The following AANAT variants were observed in gnomAD, a reference collection of about 807,000 sequenced individuals.
The protein encoded by AANAT is serotonin N-acetyltransferase.
A neutral mutation model predicts 15.6 loss-of-function variants in AANAT; 11 were observed. The observed-to-expected ratio is 0.71, with a 90% CI of 0.44 to 1.17. The LOEUF (loss-of-function observed/expected upper bound fraction) is 1.17. Ranked by LOEUF, AANAT falls within the 50% of genes most tolerant of loss-of-function variation. The pLI is 0.00. For synonymous variants in AANAT, 139 were observed against 131.5 expected (o/e 1.06, Z -0.39); for missense variants, 286 against 296.3 (o/e 0.97, Z 0.26).
intron 1 of AANAT, among the ~76,000 whole-genome samples, chr17:76,455,716 T>C (rs2073337276): frequency 6.6e-6 from 1 of 152,218 alleles, no homozygotes; most frequent in Admixed American, 6.5e-5. Context: ...TACAGAACTA[T>C]GTTCATAGAA....
chr17:76,468,933 G>C, intron 2 of AANAT, 24 bp downstream of exon 2: 2 of 1,603,854 alleles, frequency 1.2e-6, no homozygotes, highest in Non-Finnish European at 1.7e-6. Flanking sequence ...CACAGGGTCA[G>C]AGGGATGCTC....
intron 1 of AANAT, among the ~76,000 whole-genome samples, chr17:76,458,089 C>G (rs1178358088): frequency 6.6e-6 from 1 of 152,172 alleles, no homozygotes; most frequent in Non-Finnish European, 1.5e-5. Flanking sequence ...GCCTGAGAAC[C>G]TGTACCTCCA....
chr17:76,469,929 C>T lies in AANAT; in HGVS notation c.583C>T (p.Leu195=), dbSNP rs2073505821. Residue 195 remains leucine, a synonymous_variant, in exon 4 of 4, where the codon CTG becomes TTG. Coordinates refer to ENST00000392492, the MANE Select transcript of AANAT (RefSeq NM_001088.3). This position sits in a 1 kb window ranked among gnomAD's most constrained non-coding sequence, Gnocchi z 5.2. ...SLTFMELHCS[L]RGHPFLRRNS... ...CACCTTCATGGAGCTCCACTGCTCC[C>T]TGCGGGGCCACCCCTTCCTGCGCAG... 2 of 1,543,598 alleles carry T rather than the reference C, an allele frequency of 1.3e-6. No individual in the cohort carries two copies. Among genetic ancestry groups the T allele is most frequent in the African/African-American group, 1.4e-5 (1 of 73,114 alleles).
chr17:76,468,470 G>T, intron 1 of AANAT: 1 of 588,854 alleles, frequency 1.7e-6, no homozygotes, highest in Admixed American at 3.1e-5. Flanking sequence ...CCTTCTGGCT[G>T]AGAGGGAAAG....
chr17:76,467,797 C>A, intron 1 of AANAT, 70 bp downstream of exon 1: 1 of 913,980 alleles, frequency 1.1e-6, no homozygotes, highest in African/African-American at 1.8e-5. Flanking sequence ...AGCTTCTAGA[C>A]ATGGAGGGAA....
Position 76,470,110 on chromosome 17 carries a change from C to T in AANAT, c.*140C>T, listed in dbSNP as rs569712678. 3.4e-4 allele frequency: 317 copies of T among 940,872 alleles called. 3 individuals carry two copies. The African/African-American group carries it at 4.4e-3, about 13-fold the overall frequency. The allele number at this position is 940,872 out of a possible 1,614,324, so 58.3% of individuals were successfully genotyped here. A position where few individuals can be genotyped will look rare whatever the true frequency, so the allele number is the denominator to read the frequency against. On this transcript the variant is annotated 3_prime_UTR_variant, in exon 4 of 4. Coordinates refer to ENST00000392492, the MANE Select transcript of AANAT (RefSeq NM_001088.3). ...AAAGAGGAGATAAGGTGGCTTCTCA[C>T]GGCCTGAGCTGGAGTGGTGTGTCTT...
chr17:76,466,073 A>T (rs1453741231), upstream of AANAT: 6 of 1,034,744 alleles, frequency 5.8e-6, no homozygotes, highest in East Asian at 1.3e-4. Context: ...CGGAAAGAAC[A>T]GGGCCATGTG....
rs757675720 is a variant in AANAT at position 76,468,836 on chromosome 17, C to T, written c.90C>T (p.His30=). ...IPESPSCQRR[H]TLPASEFRCL... ...AGTCCCCGAGCTGTCAGCGGCGCCA[C>T]ACACTCCCTGCCAGTGAGTTTCGCT... The change falls in exon 2 of 4, where the codon CAC becomes CAT. Residue 30 remains histidine (H), a synonymous_variant. Transcript: ENST00000392492. 3 of 1,613,496 alleles carry T rather than the reference C, an allele frequency of 1.9e-6. No homozygotes were observed. In the African/African-American group the frequency reaches 4.0e-5, roughly 22 times the overall value.
intron 2 of AANAT, among the ~76,000 whole-genome samples, chr17:76,460,968 T>C (rs2073382793): frequency 6.6e-6 from 1 of 151,992 alleles, no homozygotes; most frequent in Admixed American, 6.6e-5. Context: ...AGTTTGAGAC[T>C]GGCCTGGCCA....
At chr17:76,465,561 T>G (rs1290743703), upstream of AANAT, among the ~76,000 whole-genome samples, 1 of 151,610 alleles carries the variant, frequency 6.6e-6, no homozygotes, top group Admixed American at 6.6e-5. Flanking sequence ...GGTCTCAAAC[T>G]CCTGGGCTCA....
chr17:76,463,677 C>T (rs2073410626), upstream of AANAT, among the ~76,000 whole-genome samples: 1 of 152,124 alleles, frequency 6.6e-6, no homozygotes, highest in South Asian at 2.1e-4. Context: ...GTTCTCCATT[C>T]TTTGTGGCAT....
intron 1 of AANAT, among the ~76,000 whole-genome samples, chr17:76,455,062 G>A (rs1304396554): frequency 1.3e-5 from 2 of 152,180 alleles, no homozygotes; most frequent in African/African-American, 4.8e-5. Flanking sequence ...GGGGAGTGGA[G>A]GTTGTAGTGA....
At chr17:76,463,823 G>A (rs183045037), upstream of AANAT, among the ~76,000 whole-genome samples, 428 of 152,224 alleles carry the variant, frequency 2.8e-3, 6 homozygotes, top group Non-Finnish European at 1.2e-3. Context: ...CTCAGCTTTC[G>A]TGTGGTGATA....
At chr17:76,466,956 T>C (rs1019550088), upstream of AANAT, among the ~76,000 whole-genome samples, 1 of 152,030 alleles carries the variant, frequency 6.6e-6, no homozygotes, top group East Asian at 1.9e-4. Flanking sequence ...GGACACAGGA[T>C]CTGCACTGCT....
chr17:76,467,167 G>A (rs1360511157), upstream of AANAT, among the ~76,000 whole-genome samples: 1 of 152,122 alleles, frequency 6.6e-6, no homozygotes, highest in African/African-American at 2.4e-5. Context: ...TTGTAGTTGA[G>A]ATGTTTGGTA....
exon 2 of AANAT, chr17:76,459,311 T>G (rs2073366052): frequency 6.6e-6 from 1 of 152,276 alleles, no homozygotes; most frequent in Non-Finnish European, 1.5e-5. Context: ...GCCTATCCAC[T>G]GCCACCTCCC....
At chr17:76,468,561 A>T in intron 1 of AANAT, 111 bp from the exon 2 acceptor site, 1 of 932,806 alleles carries the variant, frequency 1.1e-6, no homozygotes, top group Non-Finnish European at 1.6e-6. Context: ...CCATTGATTT[A>T]GGGGCTGTCT....
chr17:76,456,387 A>C (rs2073343891), intron 1 of AANAT, among the ~76,000 whole-genome samples: 1 of 152,154 alleles, frequency 6.6e-6, no homozygotes, highest in Non-Finnish European at 1.5e-5. Context: ...CTAAGTACTT[A>C]AGATGTCTTA....
chr17:76,469,832 C>T lies in AANAT; in HGVS notation c.486C>T (p.Asp162=), dbSNP rs561497097. 1.3e-5 allele frequency: 21 copies of T among 1,604,934 alleles called. No homozygotes were observed. Among genetic ancestry groups the T allele is most frequent in the South Asian group, 7.8e-5 (7 of 89,560 alleles). ...AVRRAALMCE[D]ALVPFYERFS... is the part of the protein sequence containing the mutation. ...GCCGGGCCGCGCTCATGTGCGAGGA[C>T]GCGCTGGTACCCTTCTATGAGAGGT... Residue 162 remains aspartate (D), a synonymous_variant, in exon 4 of 4, where the codon GAC becomes GAT. Coordinates refer to ENST00000392492, the MANE Select transcript of AANAT (RefSeq NM_001088.3). This position sits in a 1 kb window ranked among gnomAD's most constrained non-coding sequence, Gnocchi z 5.2.
Sources: gnomAD v4.1 joint callset for allele counts (sites outside exome capture counted in the v4.1 genomes callset) on GRCh38, gnomAD v4.1.1 for gene constraint, Gnocchi (gnomAD v3.1) non-coding constraint, MANE v1.5 for transcripts, NCBI Gene and HGNC (gene_info 2026-07-23, HGNC 2026-07-21) for gene names.